ITIH5: variants seen among roughly 807,000 people sequenced by gnomAD.
ITIH5 encodes the protein inter-alpha-trypsin inhibitor heavy chain H5.
In ITIH5, 65 loss-of-function variants were observed where a neutral mutation model predicts 77.5. The ratio of observed to expected loss-of-function variants is 0.84; its 90% CI spans 0.69 to 1.03. The LOEUF (loss-of-function observed/expected upper bound fraction) is 1.03. Ranked by LOEUF, ITIH5 falls within the 50% of genes least tolerant of loss-of-function variation. The pLI is 0.00. For missense variants in ITIH5, 1,208 were observed against 1,213.1 expected, an observed-to-expected ratio of 1.00 and a Z score of 0.06; for synonymous variants, 525 against 494.3, an observed-to-expected ratio of 1.06 and a Z score of -0.82.
intron 7 of ITIH5, among the ~76,000 whole-genome samples, chr10:7,606,067 T>C (rs930252877): frequency 1.3e-5 from 2 of 152,104 alleles, no homozygotes; most frequent in Non-Finnish European, 2.9e-5. Flanking sequence ...CATTCAGAGA[T>C]ACTACACATT....
At chr10:7,659,881 G>C (rs541150410) in intron 1 of ITIH5, among the ~76,000 whole-genome samples, 1 of 152,302 alleles carries the variant, frequency 6.6e-6, no homozygotes, top group East Asian at 1.9e-4. Flanking sequence ...TTTTAGTTAA[G>C]AATTCCTGAT....
At chr10:7,602,373 A>T (rs144174315) in intron 7 of ITIH5, among the ~76,000 whole-genome samples, 1 of 152,176 alleles carries the variant, frequency 6.6e-6, no homozygotes. Flanking sequence ...TCCCCACCCG[A>T]ATCTCACCTT....
intron 2 of ITIH5, among the ~76,000 whole-genome samples, chr10:7,644,647 A>G (rs1588424293): frequency 9.3e-6 from 1 of 107,612 alleles, no homozygotes; most frequent in Non-Finnish European, 2.1e-5. Flanking sequence ...TATATATCAT[A>G]TATATCACAT....
At chr10:7,597,231 G>A (rs1419555840) in intron 7 of ITIH5, among the ~76,000 whole-genome samples, 1 of 151,972 alleles carries the variant, frequency 6.6e-6, no homozygotes, top group African/African-American at 2.4e-5. Flanking sequence ...TTTCTAAGGT[G>A]GGCAGAGGCC....
chr10:7,639,882 G>A (rs911780098), intron 4 of ITIH5, among the ~76,000 whole-genome samples: 2 of 152,044 alleles, frequency 1.3e-5, no homozygotes, highest in Admixed American at 6.6e-5. Context: ...AAATGAGAAA[G>A]GAGAGAGACA....
intron 5 of ITIH5, among the ~76,000 whole-genome samples, chr10:7,627,421 G>A (rs905755202): frequency 5.9e-5 from 9 of 152,044 alleles, no homozygotes; most frequent in East Asian, 3.8e-4. Flanking sequence ...GTCTCTGGTC[G>A]AGGGGACTTG....
At chr10:7,585,867 C>T (rs755367388) in intron 8 of ITIH5, 34 bp downstream of exon 8, 1 of 1,522,912 alleles carries the variant, frequency 6.6e-7, no homozygotes, top group South Asian at 1.3e-5. Flanking sequence ...TATTTCAAAG[C>T]CAAGCCAATG....
At chr10:7,582,735 A>G (rs1400716100) in intron 8 of ITIH5, among the ~76,000 whole-genome samples, 2 of 152,240 alleles carry the variant, frequency 1.3e-5, no homozygotes, top group Admixed American at 1.3e-4. Flanking sequence ...TAAGCCAGGC[A>G]CAGAAAGACC....
At chr10:7,657,528 A>T (rs764663078) in intron 1 of ITIH5, among the ~76,000 whole-genome samples, 1 of 152,246 alleles carries the variant, frequency 6.6e-6, no homozygotes, top group Non-Finnish European at 1.5e-5. Flanking sequence ...ACAATTGCTC[A>T]TAATTAGAAA....
intron 7 of ITIH5, among the ~76,000 whole-genome samples, chr10:7,602,381 C>T (rs761721705): frequency 2.0e-5 from 3 of 152,204 alleles, no homozygotes; most frequent in Non-Finnish European, 2.9e-5. Flanking sequence ...CGAATCTCAC[C>T]TTGAATTTTA....
intron 7 of ITIH5, chr10:7,609,271 C>G (rs1220684879): frequency 8.2e-6 from 3 of 363,792 alleles, no homozygotes; most frequent in African/African-American, 6.4e-5. Context: ...TACTGTGCCT[C>G]AGAAAAATGC....
intron 7 of ITIH5, among the ~76,000 whole-genome samples, chr10:7,601,163 A>G (rs1271546499): frequency 3.9e-5 from 6 of 152,168 alleles, no homozygotes; most frequent in Non-Finnish European, 8.8e-5. Flanking sequence ...AACATCAGCA[A>G]CTGATGTCAT....
intron 7 of ITIH5, among the ~76,000 whole-genome samples, chr10:7,586,697 T>A (rs1363980596): frequency 1.3e-5 from 2 of 152,140 alleles, no homozygotes; most frequent in Non-Finnish European, 1.5e-5. Context: ...ATTATAAAAT[T>A]AAATGCCCAA....
chr10:7,617,302 A>G lies in ITIH5; in HGVS notation c.653-20T>C. ...AATCATCTGCAAACAAGATAGAAAC[A>G]TAATTAATAACTTAATATATATTTT... On this transcript the variant is annotated intron_variant, in intron 5 of 13. Transcript: ENST00000397146. 7.0e-7 allele frequency: 1 copy of G among 1,427,338 alleles called. No homozygotes were observed. Among genetic ancestry groups the G allele is most frequent in the Non-Finnish European group, 9.3e-7 (1 of 1,072,874 alleles). The allele number at this position is 1,427,338 out of a possible 1,614,324, so 88.4% of individuals were successfully genotyped here.
rs1320586394 is a variant in ITIH5 at position 7,576,463 on chromosome 10, G to A, written c.1968C>T (p.Gly656=). 6.3e-7 allele frequency: 1 copy of A among 1,590,834 alleles called. No individual in the cohort carries two copies. The highest frequency in any genetic ancestry group is 2.2e-5 in the East Asian group (1 of 44,492). The change falls in exon 10 of 14, where the codon GGC becomes GGT. Residue 656 remains glycine (G), a synonymous_variant. Transcript: ENST00000397146. Reference sequence around the variant, plus strand: ...ACAGGTGCCTCGTACCTGGCTGCGTGCCAGCTCCTCGCACGCTCTGCACCA... The same window carrying A: ...ACAGGTGCCTCGTACCTGGCTGCGTACCAGCTCCTCGCACGCTCTGCACCA... ...EPVVQSVRGA[G]TQPGPLLKKP...
At chr10:7,572,304 C>G in intron 11 of ITIH5, 2 of 1,366,480 alleles carry the variant, frequency 1.5e-6, no homozygotes, top group Non-Finnish European at 2.0e-6. Context: ...ATAGGTTGTT[C>G]TTTCCTCTGA....
chr10:7,592,599 A>G (rs768927351), intron 7 of ITIH5, among the ~76,000 whole-genome samples: 1 of 152,204 alleles, frequency 6.6e-6, no homozygotes, highest in Non-Finnish European at 1.5e-5. Context: ...CCAGCCCTTG[A>G]GAACCTAAGA....
At chr10:7,598,046 A>G (rs1828881403) in intron 7 of ITIH5, among the ~76,000 whole-genome samples, 1 of 152,208 alleles carries the variant, frequency 6.6e-6, no homozygotes, top group African/African-American at 2.4e-5. Context: ...AGAAGAAATC[A>G]AAACATTACA....
chr10:7,631,269 G>A (rs757387446), intron 5 of ITIH5, among the ~76,000 whole-genome samples: 23 of 152,110 alleles, frequency 1.5e-4, no homozygotes, highest in Non-Finnish European at 2.6e-4. Context: ...GGATTCTAAC[G>A]GGCGGCAAAG....
Sources: allele counts gnomAD v4.1 joint callset (sites outside exome capture counted in the v4.1 genomes callset), GRCh38; gene constraint gnomAD v4.1.1; transcripts MANE v1.5; gene names NCBI Gene and HGNC (gene_info 2026-07-23, HGNC 2026-07-21).